The following ZNF730 variants were observed in gnomAD, a reference collection of about 807,000 sequenced individuals.
ZNF730 encodes the protein zinc finger protein 730, also known as putative zinc finger protein 730.
In ZNF730, 12 loss-of-function variants were observed where a neutral mutation model predicts 12.6. The ratio of observed to expected loss-of-function variants is 0.95; its 90% confidence interval spans 0.61 to 1.54. ZNF730 has a LOEUF of 1.54. ZNF730 is among the 40% of genes most tolerant of loss of function. The probability of loss-of-function intolerance (pLI) is 0.00; values close to 1 mark genes in which losing one functional copy is unlikely to be tolerated. For missense variants in ZNF730, 643 were observed against 583.5 expected, an observed-to-expected ratio of 1.10 and a Z score of -1.05; for synonymous variants, 194 against 195.8, an observed-to-expected ratio of 0.99 and a Z score of 0.08.
intron 1 of ZNF730, among the ~76,000 whole-genome samples, chr19:23,100,892 G>T (rs888442390): frequency 6.6e-6 from 1 of 152,046 alleles, no homozygotes; most frequent in African/African-American, 2.4e-5. Context: ...CTGACCTCGT[G>T]ATCTGCCCAC....
At chr19:23,130,423 T>C (rs1970732094) in intron 1 of ZNF730, among the ~76,000 whole-genome samples, 1 of 152,122 alleles carries the variant, frequency 6.6e-6, no homozygotes, top group Admixed American at 6.6e-5. Context: ...ATCAGCAGCA[T>C]GAGAACAGAC....
At chr19:23,127,571 C>G (rs1405123934) in intron 1 of ZNF730, 2 of 921,140 alleles carry the variant, frequency 2.2e-6, no homozygotes, top group African/African-American at 3.3e-5. Flanking sequence ...ATCATGAAGC[C>G]AGATAAATTG....
chr19:23,101,492 A>C (rs1970335364), intron 1 of ZNF730, among the ~76,000 whole-genome samples: 1 of 152,226 alleles, frequency 6.6e-6, no homozygotes, highest in Admixed American at 6.5e-5. Flanking sequence ...CATATATGGA[A>C]TTTCTACTCT....
Position 23,134,161 on chromosome 19 carries a change from T to C in ZNF730, c.85T>C (p.Tyr29His), listed in dbSNP as rs1257002207. 6.2e-7 allele frequency: 1 copy of C among 1,612,860 alleles called. No individual in the cohort carries two copies. The highest frequency in any genetic ancestry group is 1.7e-5 in the Admixed American group (1 of 59,850). The change falls in exon 2 of 4, where the codon TAT (tyrosine) becomes CAT (histidine). Residue 29 changes from tyrosine (Y) to histidine (H), a missense_variant. Transcript: ENST00000597761. ...TCTGGACACCGAACAACAGAATTTA[T>C]ATAGAAATGTAATGTTAGATAACTA... ...QCLDTEQQNL[Y>H]RNVMLDNYRN...
At chr19:23,121,100 A>G (rs1346094217) in intron 1 of ZNF730, among the ~76,000 whole-genome samples, 1 of 152,094 alleles carries the variant, frequency 6.6e-6, no homozygotes, top group African/African-American at 2.4e-5. Flanking sequence ...ATTTGCTGAT[A>G]ATTGTTTTAT....
intron 1 of ZNF730, among the ~76,000 whole-genome samples, chr19:23,082,724 A>T (rs1371415194): frequency 6.8e-6 from 1 of 147,670 alleles, no homozygotes; most frequent in Non-Finnish European, 1.5e-5. Flanking sequence ...TTTTTGAGAC[A>T]AAATCTCGCT....
chr19:23,140,241 T>A (rs897768501), intron 3 of ZNF730, among the ~76,000 whole-genome samples: 2 of 152,214 alleles, frequency 1.3e-5, no homozygotes, highest in African/African-American at 4.8e-5. Flanking sequence ...AAATATTTCC[T>A]TTGAGAAAAA....
At chr19:23,127,464 C>T (rs1970684796) in intron 1 of ZNF730, 1 of 1,107,186 alleles carries the variant, frequency 9.0e-7, no homozygotes, top group Non-Finnish European at 1.4e-6. Context: ...TCTCCTTCTC[C>T]AAGCTTCTGT....
rs745527532 is a variant in ZNF730 at position 23,146,236 on chromosome 19, T to C, written c.1192T>C (p.Cys398Arg). ...IIHTVEKFYK[C>R]EECGKAFSRI... ...TCATACTGTAGAGAAATTTTACAAA[T>C]GTGAAGAATGTGGCAAAGCCTTTAG... Residue 398 changes from cysteine to arginine, a missense_variant, in exon 4 of 4, where the codon TGT becomes CGT. By Grantham distance (180) the Cys-to-Arg change is radical (BLOSUM62 -3). Transcript: ENST00000597761. 1.2e-6 allele frequency: 2 copies of C among 1,613,116 alleles called. No homozygotes were observed. Among genetic ancestry groups the C allele is most frequent in the East Asian group, 2.2e-5 (1 of 44,852 alleles).
chr19:23,146,580 T>G lies in ZNF730; in HGVS notation c.*24T>G. 6.3e-7 allele frequency: 1 copy of G among 1,589,474 alleles called. No individual in the cohort carries two copies. The highest frequency in any genetic ancestry group is 8.6e-7 in the Non-Finnish European group (1 of 1,167,810). ...AAAATTGTAAAGACTGTGGCAAAGC[T>G]TTTAAACAATCTTTATACCTTACTA... On this transcript the variant is annotated 3_prime_UTR_variant, in exon 4 of 4. Transcript: ENST00000597761.
At chr19:23,084,794 A>G (rs1970029932) in intron 1 of ZNF730, among the ~76,000 whole-genome samples, 1 of 152,160 alleles carries the variant, frequency 6.6e-6, no homozygotes, top group South Asian at 2.1e-4. Flanking sequence ...ACATGATCTC[A>G]TTCTTTTTTA....
intron 3 of ZNF730, among the ~76,000 whole-genome samples, chr19:23,141,566 G>A: frequency 6.6e-6 from 1 of 152,130 alleles, no homozygotes; most frequent in African/African-American, 2.4e-5. Flanking sequence ...GCATTGAGCA[G>A]GATAGACACA....
Position 23,136,188 on chromosome 19 carries a change from TTA to T in ZNF730, c.226+147_226+148del. ...TCTTTTTATTTATTTTGCTTTTTAT[TTA>T]TTTTTTTTCCTCTCACATAGAAGCA... On this transcript the variant is annotated intron_variant, in intron 3 of 3. Transcript: ENST00000597761. 7 of 586,662 alleles carry T rather than the reference TTA, an allele frequency of 1.2e-5. No individual in the cohort carries two copies. The East Asian group carries it at 3.1e-4, about 26-fold the overall frequency. 36.3% of individuals were successfully genotyped at this position (586,662 alleles called of 1,614,324 possible). A position where few individuals can be genotyped will look rare whatever the true frequency, so the allele number is the denominator to read the frequency against.
At chr19:23,076,898 G>T (rs565506437) in intron 1 of ZNF730, among the ~76,000 whole-genome samples, 83 of 152,242 alleles carry the variant, frequency 5.5e-4, no homozygotes, top group African/African-American at 2.0e-3. Context: ...TATATTCATT[G>T]CAGCACAATT....
upstream of ZNF730, among the ~76,000 whole-genome samples, chr19:23,114,375 C>T (rs867188030): frequency 6.6e-5 from 9 of 135,710 alleles, no homozygotes; most frequent in Middle Eastern, 4.3e-3. Context: ...GGAGCGATCT[C>T]GGCTCACTGC....
rs77539416 is a variant in ZNF730 at position 23,121,322 on chromosome 19, A to G, written c.3+4146A>G. 7.7e-3 allele frequency among the ~76,000 whole-genome samples: 1,116 copies of G among 145,648 alleles called. 8 individuals carry two copies. Among genetic ancestry groups the G allele is most frequent in the African/African-American group, 0.027 (1,014 of 37,430 alleles). On this transcript the variant is annotated intron_variant, in intron 1 of 3. Transcript: ENST00000597761. ...GGAGTCAGAATCTAAATCTCTTCAT[A>G]GTTCTCTAAGAACTTTGTGTGTGTG... is the stretch of plus-strand genomic sequence containing the variant.
intron 1 of ZNF730, among the ~76,000 whole-genome samples, chr19:23,121,982 T>C (rs145743359): frequency 1.3e-5 from 2 of 152,288 alleles, no homozygotes; most frequent in African/African-American, 2.4e-5. Flanking sequence ...GTAACAGCTA[T>C]ATAAACCTTT....
chr19:23,136,428 G>C (rs570789051), intron 3 of ZNF730, among the ~76,000 whole-genome samples: 1 of 151,648 alleles, frequency 6.6e-6, no homozygotes, highest in Admixed American at 6.6e-5. Flanking sequence ...TTTTTGAGAC[G>C]GAGTCTTGCA....
intron 1 of ZNF730, among the ~76,000 whole-genome samples, chr19:23,112,023 T>C (rs1970466550): frequency 7.7e-6 from 1 of 130,532 alleles, no homozygotes; most frequent in Admixed American, 7.7e-5. Flanking sequence ...CTTAATAGTC[T>C]ACTGACTGTG....
Sources: gnomAD v4.1 joint callset for allele counts (sites outside exome capture counted in the v4.1 genomes callset) on GRCh38, gnomAD v4.1.1 for gene constraint, MANE v1.5 for transcripts, NCBI Gene and HGNC (gene_info 2026-07-23, HGNC 2026-07-21) for gene names.